CADPS: variants seen among roughly 807,000 people sequenced by gnomAD.
CADPS encodes the protein calcium dependent secretion activator.
Under a neutral mutation model 167.3 loss-of-function variants are expected in CADPS, and 57 were observed. The ratio of observed to expected loss-of-function variants is 0.34; its 90% confidence interval spans 0.28 to 0.42. The LOEUF (loss-of-function observed/expected upper bound fraction) is 0.42. Among genes scored for constraint, CADPS ranks in the 20% least tolerant of loss-of-function variants. The pLI is 1.00. For synonymous variants in CADPS, 676 were observed against 635.3 expected, an observed-to-expected ratio of 1.06 and a Z score of -0.96; for missense variants, 1,414 against 1,738.1, an observed-to-expected ratio of 0.81 and a Z score of 3.32.
chr3:62,863,095 T>A (rs1475989043), intron 1 of CADPS, among the ~76,000 whole-genome samples: 1 of 152,220 alleles, frequency 6.6e-6, no homozygotes. Context: ...ACACCTATTA[T>A]ATATACATAC....
chr3:62,411,517 C>T (rs1366446413), intron 28 of CADPS, among the ~76,000 whole-genome samples: 1 of 152,160 alleles, frequency 6.6e-6, no homozygotes, highest in Non-Finnish European at 1.5e-5. Flanking sequence ...ATGTTTGAAG[C>T]TTTCAATGCG....
intron 10 of CADPS, among the ~76,000 whole-genome samples, chr3:62,555,973 T>G (rs1163151728): frequency 1.3e-5 from 2 of 152,154 alleles, no homozygotes; most frequent in African/African-American, 4.8e-5. Flanking sequence ...AGGCTTGTCG[T>G]GAACTTTGGT....
At chr3:62,648,468 G>A (rs1387149580) in intron 5 of CADPS, among the ~76,000 whole-genome samples, 10 of 151,902 alleles carry the variant, frequency 6.6e-5, no homozygotes, top group Non-Finnish European at 1.5e-4. Context: ...GATGGCATGA[G>A]TCCAGGAGTT....
intron 3 of CADPS, among the ~76,000 whole-genome samples, chr3:62,713,560 C>T (rs1319382331): frequency 6.6e-6 from 1 of 152,236 alleles, no homozygotes; most frequent in Non-Finnish European, 1.5e-5. Flanking sequence ...GACTGCAGAA[C>T]TGCCCCTGGG....
At chr3:62,870,669 C>G (rs1156335979) in intron 1 of CADPS, among the ~76,000 whole-genome samples, 1 of 152,108 alleles carries the variant, frequency 6.6e-6, no homozygotes, top group Non-Finnish European at 1.5e-5. Flanking sequence ...CACAGACACA[C>G]ATGTACACTA....
At chr3:62,470,227 G>A (rs1027217362) in intron 24 of CADPS, among the ~76,000 whole-genome samples, 1 of 152,142 alleles carries the variant, frequency 6.6e-6, no homozygotes, top group African/African-American at 2.4e-5. Flanking sequence ...TCCAGGATGC[G>A]ATCTTAAAAA....
At chr3:62,512,660 C>G in intron 17 of CADPS, 91 bp downstream of exon 17, 2 of 957,228 alleles carry the variant, frequency 2.1e-6, no homozygotes, top group Non-Finnish European at 1.6e-6. Flanking sequence ...TCTGGGAGTA[C>G]AAACCTTAAG....
chr3:62,438,715 T>TG lies in CADPS; in HGVS notation c.3670-505_3670-504insC. The TG allele has an allele frequency of 6.9e-6, 1 of 144,264 alleles. No homozygotes were observed. Among genetic ancestry groups the TG allele is most frequent in the African/African-American group, 2.6e-5 (1 of 38,028 alleles). The allele number at this position is 144,264 out of a possible 1,614,324, so 8.9% of individuals were successfully genotyped here. On this transcript the variant is annotated intron_variant, in intron 27 of 29. Coordinates refer to ENST00000383710, the MANE Select transcript of CADPS (RefSeq NM_003716.4). This position sits in a 1 kb window ranked among gnomAD's most constrained non-coding sequence, Gnocchi z 4.7. ...TATACCTCTTCCTACCCAAGTCTCATTGTGTGTGTGTGTGTGTGTGTGTGT... is the reference window on the plus strand; with the variant it reads ...TATACCTCTTCCTACCCAAGTCTCATGTGTGTGTGTGTGTGTGTGTGTGTGT...
rs1185286967 is a variant in CADPS at position 62,421,838 on chromosome 3, T to G, written c.3777+16266A>C. Among the ~76,000 whole-genome samples, 1 of 152,186 alleles carries G rather than the reference T, an allele frequency of 6.6e-6. No homozygotes were observed. Among genetic ancestry groups the G allele is most frequent in the East Asian group, 1.9e-4 (1 of 5,188 alleles). Reference sequence around the variant, plus strand: ...TGTGCTATTGTTTGTGCTGGACTGTTAGGCTGCATGTCTCAAGTTATAAAA... The same window carrying G: ...TGTGCTATTGTTTGTGCTGGACTGTGAGGCTGCATGTCTCAAGTTATAAAA... On this transcript the variant is annotated intron_variant, in intron 28 of 29. Transcript: ENST00000383710. This position sits in a 1 kb window ranked among gnomAD's most constrained non-coding sequence, Gnocchi z 4.7.
At chr3:62,571,301 G>A (rs1036431704) in intron 8 of CADPS, among the ~76,000 whole-genome samples, 1 of 152,110 alleles carries the variant, frequency 6.6e-6, no homozygotes, top group Non-Finnish European at 1.5e-5. Context: ...CAACTCTTTT[G>A]CATCTTGTCA....
intron 9 of CADPS, among the ~76,000 whole-genome samples, chr3:62,561,529 C>T (rs1215892652): frequency 6.6e-6 from 1 of 151,870 alleles, no homozygotes; most frequent in Admixed American, 6.6e-5. Flanking sequence ...TTTGGTCTCC[C>T]AAAGTGCTGG....
chr3:62,558,301 G>A (rs747364212), intron 9 of CADPS, among the ~76,000 whole-genome samples: 42 of 152,330 alleles, frequency 2.8e-4, no homozygotes, highest in Non-Finnish European at 4.9e-4. Context: ...AGTGCAGGGC[G>A]GGTGCTCACA....
intron 4 of CADPS, among the ~76,000 whole-genome samples, chr3:62,661,650 G>T (rs6794827): frequency 2.6e-5 from 4 of 152,008 alleles, no homozygotes; most frequent in Non-Finnish European, 5.9e-5. Flanking sequence ...TGAGATGTTT[G>T]TATATGAGTT....
intron 1 of CADPS, among the ~76,000 whole-genome samples, chr3:62,783,737 C>T (rs748420581): frequency 2.0e-5 from 3 of 152,162 alleles, no homozygotes; most frequent in Non-Finnish European, 2.9e-5. Context: ...TGTCTCCACA[C>T]GCTCAAGTAC....
intron 28 of CADPS, among the ~76,000 whole-genome samples, chr3:62,415,522 G>A (rs572927564): frequency 1.3e-5 from 2 of 152,050 alleles, no homozygotes; most frequent in Admixed American, 6.5e-5. Flanking sequence ...CCGGCAACTC[G>A]ACATTCAAAA....
intron 1 of CADPS, among the ~76,000 whole-genome samples, chr3:62,798,723 C>T (rs1440297738): frequency 6.6e-6 from 1 of 152,094 alleles, no homozygotes; most frequent in East Asian, 1.9e-4. Context: ...GTGTTAGGTA[C>T]TTTTTCCTGC....
intron 15 of CADPS, among the ~76,000 whole-genome samples, 166 bp from the exon 16 acceptor site, chr3:62,516,348 C>T (rs1022191210): frequency 9.2e-5 from 14 of 152,122 alleles, no homozygotes; most frequent in Admixed American, 6.6e-4. Context: ...TGGCAAAGGC[C>T]GTCCATGAGT....
chr3:62,683,324 C>G (rs1302579567), intron 3 of CADPS, among the ~76,000 whole-genome samples: 2 of 152,000 alleles, frequency 1.3e-5, no homozygotes. Flanking sequence ...AGGGTGAATA[C>G]AGCTATTGCC....
chr3:62,718,908 T>C (rs780280324), intron 3 of CADPS, among the ~76,000 whole-genome samples: 27 of 152,224 alleles, frequency 1.8e-4, no homozygotes, highest in Non-Finnish European at 7.3e-5. Context: ...CTCCGGGCTT[T>C]GGGTTTGGAG....
Sources: allele counts gnomAD v4.1 joint callset (sites outside exome capture counted in the v4.1 genomes callset), GRCh38; gene constraint gnomAD v4.1.1; non-coding constraint Gnocchi (gnomAD v3.1); transcripts MANE v1.5; gene names NCBI Gene and HGNC (gene_info 2026-07-23, HGNC 2026-07-21).